TLL1: variants seen among roughly 807,000 people sequenced by gnomAD.
The protein encoded by TLL1 is tolloid like 1, also known as tolloid-like protein 1.
Under a neutral mutation model 128.2 loss-of-function variants are expected in TLL1, and 49 were observed. The ratio of observed to expected loss-of-function variants is 0.38; its 90% CI spans 0.30 to 0.48. The LOEUF is 0.48. Among genes scored for constraint, TLL1 ranks in the 20% least tolerant of loss-of-function variants. The probability of loss-of-function intolerance (pLI) is 0.96; values close to 1 mark genes in which losing one functional copy is unlikely to be tolerated. For missense variants in TLL1, 1,123 were observed against 1,242.0 expected, an observed-to-expected ratio of 0.90 and a Z score of 1.44; for synonymous variants, 454 against 418.8, an observed-to-expected ratio of 1.08 and a Z score of -1.03.
At chr4:166,044,419 CT>C in intron 12 of TLL1, 1 of 1,535,552 alleles carries the variant, frequency 6.5e-7, no homozygotes, top group Non-Finnish European at 8.7e-7. Flanking sequence ...ATCTCTCATC[CT>C]CATCTGGAAG....
chr4:166,003,680 G>T, intron 6 of TLL1, 111 bp downstream of exon 6: 1 of 1,118,642 alleles, frequency 8.9e-7, no homozygotes, highest in Non-Finnish European at 1.3e-6. Flanking sequence ...TTTTTGATAT[G>T]ATAGAGTAAC....
At chr4:166,078,563 G>A (rs577809210) in intron 18 of TLL1, among the ~76,000 whole-genome samples, 3 of 151,872 alleles carry the variant, frequency 2.0e-5, no homozygotes, top group Admixed American at 6.6e-5. Flanking sequence ...CATTTTATTC[G>A]GCATGAGTAA....
At position 165,960,204 on chromosome 4, in the gene TLL1, C is replaced by T. The variant is rs77540106; in HGVS notation, c.170-29177C>T. Among the ~76,000 whole-genome samples the T allele has an allele frequency of 7.5e-3, 1,136 of 152,076 alleles. 17 individuals carry two copies. Among genetic ancestry groups the T allele is most frequent in the East Asian group, 0.043 (224 of 5,174 alleles). On this transcript the variant is annotated intron_variant, in intron 1 of 20. Transcript: ENST00000061240. ...ATTCCTCAGAGACTATTATGAAACT[C>T]CTATGTTCACAAACTAGAAAATGTA...
chr4:165,927,041 G>A (rs933398162), intron 1 of TLL1, among the ~76,000 whole-genome samples: 1 of 152,064 alleles, frequency 6.6e-6, no homozygotes, highest in African/African-American at 2.4e-5. Context: ...TTGATGTTAT[G>A]CTGCATATTT....
At chr4:166,054,395 T>A (rs1739902267) in intron 12 of TLL1, among the ~76,000 whole-genome samples, 1 of 152,166 alleles carries the variant, frequency 6.6e-6, no homozygotes, top group Admixed American at 6.5e-5. Context: ...ACAATAATGA[T>A]TTTATTGAAA....
In TLL1 at chr4:166,014,477, A is replaced by G; in HGVS notation, c.959A>G (p.Asn320Ser). The part of the protein sequence containing the change: ...LDTILPSRDD[N>S]GIRPAIGQRT... ...ACCATTCTCCCCTCCCGTGATGATA[A>G]TGGCATACGTCCTGCAATTGGTCAG... Residue 320 changes from asparagine to serine, a missense_variant, in exon 8 of 21, where the codon AAT (asparagine) becomes AGT (serine). Transcript: ENST00000061240. 3 of 1,612,398 alleles carry G rather than the reference A, an allele frequency of 1.9e-6. No individual in the cohort carries two copies. Among genetic ancestry groups the G allele is most frequent in the Non-Finnish European group, 2.5e-6 (3 of 1,178,804 alleles).
chr4:165,957,958 G>A lies in TLL1; in HGVS notation c.170-31423G>A, dbSNP rs1734892780. Among the ~76,000 whole-genome samples, 6 of 149,124 alleles carry A rather than the reference G, an allele frequency of 4.0e-5. 1 individual carries two copies. The South Asian group carries it at 1.3e-3, about 32-fold the overall frequency. On this transcript the variant is annotated intron_variant, in intron 1 of 20. Coordinates refer to ENST00000061240, the MANE Select transcript of TLL1 (RefSeq NM_012464.5). ...TCCCATCTATGAGTGAGAACATGCGGTGTTTGGTTTTTTGTCCTTGTGATA... is the reference window on the plus strand; with the variant it reads ...TCCCATCTATGAGTGAGAACATGCGATGTTTGGTTTTTTGTCCTTGTGATA...
chr4:165,998,116 A>G (rs545368471), intron 5 of TLL1, among the ~76,000 whole-genome samples: 5 of 152,172 alleles, frequency 3.3e-5, no homozygotes, highest in South Asian at 2.1e-4. Context: ...TTTTTCTTCA[A>G]CGAAGTATTT....
intron 1 of TLL1, among the ~76,000 whole-genome samples, chr4:165,955,965 G>C (rs1248789674): frequency 6.6e-6 from 1 of 152,100 alleles, no homozygotes; most frequent in African/African-American, 2.4e-5. Flanking sequence ...CATATCAGTA[G>C]GACCGTGATG....
At chr4:165,948,219 A>T (rs1454091524) in intron 1 of TLL1, among the ~76,000 whole-genome samples, 1 of 152,098 alleles carries the variant, frequency 6.6e-6, no homozygotes, top group Non-Finnish European at 1.5e-5. Context: ...CTGACATCCA[A>T]TGCCTGTCTC....
intron 5 of TLL1, among the ~76,000 whole-genome samples, chr4:165,996,712 A>G (rs1478666883): frequency 6.6e-5 from 10 of 152,120 alleles, no homozygotes; most frequent in Admixed American, 6.6e-4. Context: ...GAAGATTGTG[A>G]GACTTTCAGG....
In TLL1 at chr4:165,884,806, A is replaced by C. The variant is rs182819367; in HGVS notation, c.169+10733A>C. ...AACTGAGATTGCACCACTGCACTCC[A>C]GTCTGGGTGACAGAGTGAGACTCTG... On this transcript the variant is annotated intron_variant, in intron 1 of 20. Transcript: ENST00000061240. 1.2e-4 allele frequency among the ~76,000 whole-genome samples: 18 copies of C among 152,320 alleles called. No individual in the cohort carries two copies. In the East Asian group the frequency reaches 3.5e-3, roughly 29 times the overall value.
chr4:166,042,826 A>G (rs1344581461), intron 11 of TLL1, among the ~76,000 whole-genome samples: 1 of 152,166 alleles, frequency 6.6e-6, no homozygotes, highest in Non-Finnish European at 1.5e-5. Context: ...GATTATTTGG[A>G]GGGAGTCACG....
At chr4:166,006,959 A>G (rs2111039732) in intron 6 of TLL1, among the ~76,000 whole-genome samples, 1 of 151,820 alleles carries the variant, frequency 6.6e-6, no homozygotes, top group Non-Finnish European at 1.5e-5. Context: ...GAAATATGAC[A>G]GTTGGAATTA....
In TLL1 at chr4:166,101,363, G is replaced by A. The variant is rs1036596817; in HGVS notation, c.*487G>A. On this transcript the variant is annotated 3_prime_UTR_variant, in exon 21 of 21. Coordinates refer to ENST00000061240, the MANE Select transcript of TLL1 (RefSeq NM_012464.5). ...ATCCATATAAGGTGAATGTGAAATG[G>A]GAGTCTTCTGAGGGTGATTTGTACT... The A allele has an allele frequency of 5.9e-5, 10 of 170,912 alleles. No individual in the cohort carries two copies. The highest frequency in any genetic ancestry group is 2.2e-4 in the African/African-American group (9 of 41,530). The allele number at this position is 170,912 out of a possible 1,614,324, so 10.6% of individuals were successfully genotyped here.
chr4:166,092,931 G>A (rs1741841133), intron 19 of TLL1, among the ~76,000 whole-genome samples: 1 of 151,994 alleles, frequency 6.6e-6, no homozygotes, highest in African/African-American at 2.4e-5. Flanking sequence ...ATACTCCCAA[G>A]GTTACTTACA....
chr4:165,957,648 G>C (rs192090725), intron 1 of TLL1, among the ~76,000 whole-genome samples: 1,955 of 149,548 alleles, frequency 0.013, 23 homozygotes, highest in African/African-American at 0.045. Context: ...GACTTTTATC[G>C]CTCGTCCCCA....
chr4:166,023,175 G>T (rs1046416223), intron 8 of TLL1, among the ~76,000 whole-genome samples: 1 of 152,044 alleles, frequency 6.6e-6, no homozygotes, highest in Non-Finnish European at 1.5e-5. Flanking sequence ...GAGGCAGGTG[G>T]ATCACCTGAG....
rs144367079 is a variant in TLL1 at position 165,923,362 on chromosome 4, A to C, written c.169+49289A>C. Among the ~76,000 whole-genome samples, 444 of 150,926 alleles carry C rather than the reference A, an allele frequency of 2.9e-3. 4 individuals carry two copies. The highest frequency in any genetic ancestry group is 0.01 in the African/African-American group (415 of 41,254). ...AAATCAAATATTCAAAGCTTTAAAT[A>C]AAGTAATATTGTAGTAATATGATAT... On this transcript the variant is annotated intron_variant, in intron 1 of 20. Transcript: ENST00000061240.
Sources: gnomAD v4.1 joint callset for allele counts (sites outside exome capture counted in the v4.1 genomes callset) on GRCh38, gnomAD v4.1.1 for gene constraint, MANE v1.5 for transcripts, NCBI Gene and HGNC (gene_info 2026-07-23, HGNC 2026-07-21) for gene names.